The following LYRM4 variants were observed in gnomAD, a reference collection of about 807,000 sequenced individuals.
The protein encoded by LYRM4 is LYR motif containing 4.
A neutral mutation model predicts 11.7 loss-of-function variants in LYRM4; 9 were observed. The observed-to-expected ratio is 0.77, with a 90% CI of 0.46 to 1.34. The LOEUF (loss-of-function observed/expected upper bound fraction) is 1.34, where lower values mean the gene tolerates loss of function less well. Among genes scored for constraint, LYRM4 ranks in the 40% most tolerant of loss-of-function variants. The pLI is 0.00. For missense variants in LYRM4, 133 were observed against 112.5 expected, an observed-to-expected ratio of 1.18 and a Z score of -0.82; for synonymous variants, 42 against 40.4, an observed-to-expected ratio of 1.04 and a Z score of -0.15.
At chr6:5,036,305 G>T in the LYRM4 span, among the ~76,000 whole-genome samples, 4 of 152,168 alleles carry the variant, frequency 2.6e-5, no homozygotes, top group Non-Finnish European at 5.9e-5. Context: ...TAATTTACAC[G>T]TGTGTTAATT....
At chr6:5,168,635 C>A (rs905319665) in intron 2 of LYRM4, among the ~76,000 whole-genome samples, 1 of 152,040 alleles carries the variant, frequency 6.6e-6, no homozygotes, top group Non-Finnish European at 1.5e-5. Context: ...TGACCCTTTA[C>A]TGATCCTGGA....
chr6:5,133,340 T>G (rs551191621), intron 2 of LYRM4, among the ~76,000 whole-genome samples: 56 of 152,220 alleles, frequency 3.7e-4, no homozygotes, highest in Non-Finnish European at 7.2e-4. Context: ...GCGTCTGCTG[T>G]CTGACAGGAG....
intron 2 of LYRM4, among the ~76,000 whole-genome samples, chr6:5,166,771 G>C (rs1237402182): frequency 6.6e-6 from 1 of 152,192 alleles, no homozygotes; most frequent in Non-Finnish European, 1.5e-5. Context: ...AAGCTCGCTT[G>C]GATGAACTGG....
chr6:5,130,194 G>A (rs932994876), intron 2 of LYRM4, among the ~76,000 whole-genome samples: 6 of 152,184 alleles, frequency 3.9e-5, no homozygotes, highest in Admixed American at 1.3e-4. Context: ...CCTGGGCGTG[G>A]GCTGCAGGGG....
the LYRM4 span, chr6:5,066,716 C>A: frequency 9.5e-6 from 8 of 838,484 alleles, no homozygotes; most frequent in Admixed American, 4.0e-5. Flanking sequence ...TTTGTTTTCT[C>A]CATACGATTT....
Position 5,217,058 on chromosome 6 carries a change from G to A in LYRM4, c.87-320C>T, listed in dbSNP as rs144677300. Among the ~76,000 whole-genome samples the A allele has an allele frequency of 1.8e-4, 28 of 152,320 alleles. No homozygotes were observed. In the East Asian group the frequency reaches 5.4e-3, roughly 29 times the overall value. ...TTACATGGATAATTGAACCTTTAGT[G>A]TACAGAGACAAATCAAGAACTCAGA... On this transcript the variant is annotated intron_variant, in intron 1 of 2. Transcript: ENST00000330636.
intron 2 of LYRM4, among the ~76,000 whole-genome samples, chr6:5,115,891 G>C (rs1375727703): frequency 6.6e-6 from 1 of 152,046 alleles, no homozygotes; most frequent in African/African-American, 2.4e-5. Context: ...GCATATATTG[G>C]GGCCACCCAC....
At chr6:5,209,257 C>T (rs953867877) in intron 2 of LYRM4, among the ~76,000 whole-genome samples, 2 of 151,966 alleles carry the variant, frequency 1.3e-5, no homozygotes, top group Admixed American at 6.6e-5. Flanking sequence ...CCAAACCTGG[C>T]TAATTTTTTT....
chr6:5,038,300 G>GAGGCGCTCCTCGCTTCCT, the LYRM4 span, among the ~76,000 whole-genome samples: 2 of 59,518 alleles, frequency 3.4e-5, 1 homozygote, highest in Non-Finnish European at 8.1e-5. Context: ...CGGCCGGGCA[G>GAGGCGCTCCTCGCTTCCT]AGATGCTCCT....
chr6:5,053,796 C>T, the LYRM4 span, among the ~76,000 whole-genome samples: 1 of 152,164 alleles, frequency 6.6e-6, no homozygotes, highest in Non-Finnish European at 1.5e-5. Context: ...CAAAGACTCT[C>T]TTTGTTGCCT....
chr6:5,131,716 A>G (rs1019965610), intron 2 of LYRM4, among the ~76,000 whole-genome samples: 2 of 152,218 alleles, frequency 1.3e-5, no homozygotes, highest in African/African-American at 4.8e-5. Context: ...CAAGCTTTCT[A>G]TTCCTCAGGT....
At chr6:5,179,914 A>G (rs1373837016) in intron 2 of LYRM4, among the ~76,000 whole-genome samples, 1 of 152,244 alleles carries the variant, frequency 6.6e-6, no homozygotes, top group Non-Finnish European at 1.5e-5. Flanking sequence ...CTGCTTATCA[A>G]TAATTTCTTA....
chr6:5,232,457 A>G (rs1763298032), intron 1 of LYRM4, among the ~76,000 whole-genome samples: 1 of 152,236 alleles, frequency 6.6e-6, no homozygotes, highest in African/African-American at 2.4e-5. Context: ...TCATTACATC[A>G]AAGGAGCCAG....
intron 2 of LYRM4, among the ~76,000 whole-genome samples, chr6:5,200,423 A>G (rs533713815): frequency 6.6e-6 from 1 of 152,326 alleles, no homozygotes; most frequent in African/African-American, 2.4e-5. Context: ...CCTCAGGAGC[A>G]TGCACTCTAC....
intron 2 of LYRM4, among the ~76,000 whole-genome samples, chr6:5,183,508 T>A (rs1760200634): frequency 6.6e-6 from 1 of 152,214 alleles, no homozygotes; most frequent in Non-Finnish European, 1.5e-5. Context: ...AGGAATGAAC[T>A]TGCACCAATG....
At position 5,149,276 on chromosome 6, in the gene LYRM4, C is replaced by T. The variant is rs1281260178; in HGVS notation, c.208-39785G>A. Among the ~76,000 whole-genome samples the T allele has an allele frequency of 4.6e-5, 7 of 152,178 alleles. No individual in the cohort carries two copies. The East Asian group carries it at 1.2e-3, about 25-fold the overall frequency. On this transcript the variant is annotated intron_variant, in intron 2 of 2. Coordinates refer to ENST00000330636, the MANE Select transcript of LYRM4 (RefSeq NM_020408.6). ...CGTGGGAAAAGCCTGCTAACAAAGA[C>T]GCACTGCAACAGAAAGACCTCACAG...
chr6:5,079,114 C>T, the LYRM4 span, among the ~76,000 whole-genome samples: 1 of 152,030 alleles, frequency 6.6e-6, no homozygotes, highest in Non-Finnish European at 1.5e-5. Flanking sequence ...TACACAAAAC[C>T]CTTCCTATGT....
At chr6:5,066,779 G>T in the LYRM4 span, 1 of 738,920 alleles carries the variant, frequency 1.4e-6, no homozygotes, top group South Asian at 1.6e-5. Flanking sequence ...TAAAGTCTAA[G>T]ATGGAGTTTA....
intron 2 of LYRM4, among the ~76,000 whole-genome samples, chr6:5,166,884 G>A (rs569743443): frequency 6.6e-6 from 1 of 152,280 alleles, no homozygotes; most frequent in South Asian, 2.1e-4. Flanking sequence ...CAAACAACAC[G>A]TATATACACC....
Sources: gnomAD v4.1 joint callset for allele counts (sites outside exome capture counted in the v4.1 genomes callset) on GRCh38, gnomAD v4.1.1 for gene constraint, MANE v1.5 for transcripts, NCBI Gene and HGNC (gene_info 2026-07-23, HGNC 2026-07-21) for gene names.